ANKRD18A: variants seen among roughly 807,000 people sequenced by gnomAD.
ANKRD18A encodes the protein ankyrin repeat domain 18A.
Under a neutral mutation model 110.6 loss-of-function variants are expected in ANKRD18A, and 72 were observed. The observed-to-expected ratio is 0.65, with a 90% CI of 0.54 to 0.79. The LOEUF (loss-of-function observed/expected upper bound fraction) is 0.79, where lower values mean the gene tolerates loss of function less well. ANKRD18A is among the 30% of genes least tolerant of loss of function. ANKRD18A has a pLI of 0.00. For missense variants in ANKRD18A, 934 were observed against 1,163.3 expected, an observed-to-expected ratio of 0.80 and a Z score of 2.87; for synonymous variants, 305 against 410.3, an observed-to-expected ratio of 0.74 and a Z score of 3.10.
At chr9:38,566,599 T>C (rs943336318), downstream of ANKRD18A, 2 of 152,196 alleles carry the variant, frequency 1.3e-5, no homozygotes, top group African/African-American at 4.8e-5. Context: ...TTTTCAGGTA[T>C]CTTTATAGCA....
Position 38,595,673 on chromosome 9 carries a change from A to G in ANKRD18A, c.1667T>C (p.Leu556Pro), listed in dbSNP as rs1197879057. The G allele has an allele frequency of 1.3e-6, 2 of 1,551,142 alleles. No individual in the cohort carries two copies. The highest frequency in any genetic ancestry group is 2.7e-5 in the African/African-American group (2 of 73,016). The change falls in exon 9 of 16, where the codon CTT (leucine) becomes CCT (proline). Residue 556 changes from leucine (L) to proline (P), a missense_variant. Transcript: ENST00000399703. Reference sequence around the variant, plus strand: ...ACGAGCATCCTCTAGTTGTCGTTCAAGCAAGAGATTTTCAAGTTCTTGTTG... The same window carrying G: ...ACGAGCATCCTCTAGTTGTCGTTCAGGCAAGAGATTTTCAAGTTCTTGTTG... Reference protein sequence around the residue: ...IRQQELENLLLERQLEDARKE... With the variant: ...IRQQELENLLPERQLEDARKE...
chr9:38,615,103 C>T (rs1477041582), intron 3 of ANKRD18A, among the ~76,000 whole-genome samples: 6 of 152,200 alleles, frequency 3.9e-5, no homozygotes, highest in African/African-American at 1.4e-4. Context: ...GGCATTTTCC[C>T]TCATTACCTA....
At chr9:38,618,975 A>T (rs1825968105) in intron 1 of ANKRD18A, among the ~76,000 whole-genome samples, 1 of 149,960 alleles carries the variant, frequency 6.7e-6, no homozygotes, top group African/African-American at 2.4e-5. Context: ...TAGGATGAAG[A>T]TACACTTTTC....
chr9:38,587,827 G>A (rs1020871752), intron 11 of ANKRD18A, among the ~76,000 whole-genome samples: 3 of 152,166 alleles, frequency 2.0e-5, no homozygotes, highest in African/African-American at 4.8e-5. Flanking sequence ...GTTGCTAAGC[G>A]CAGTGGCTCA....
At chr9:38,596,560 T>C (rs573844793) in intron 8 of ANKRD18A, among the ~76,000 whole-genome samples, 157 bp from the exon 9 acceptor site, 62 of 152,266 alleles carry the variant, frequency 4.1e-4, no homozygotes, top group African/African-American at 1.4e-3. Flanking sequence ...CCTTGAACCT[T>C]AGAGAACATA....
intron 5 of ANKRD18A, among the ~76,000 whole-genome samples, chr9:38,609,895 A>G (rs148832210): frequency 0.01 from 1,586 of 151,292 alleles, 19 homozygotes; most frequent in Middle Eastern, 0.024. Flanking sequence ...AGGCAGGAGA[A>G]TCACTTGAGC....
chr9:38,572,640 G>A (rs1344922269), intron 15 of ANKRD18A: 2 of 153,532 alleles, frequency 1.3e-5, no homozygotes, highest in Non-Finnish European at 2.9e-5. Flanking sequence ...AGGGCAGAAT[G>A]CAGTAAGTGG....
Position 38,595,749 on chromosome 9 carries a change from T to G in ANKRD18A, c.1591A>C (p.Lys531Gln). Residue 531 changes from lysine to glutamine, a missense_variant, in exon 9 of 16, where the codon AAA becomes CAA. This residue lies in a region of ANKRD18A where 630 missense variants were observed against 797.5 expected (regional missense o/e 0.79). Coordinates refer to ENST00000399703, the MANE Select transcript of ANKRD18A (RefSeq NM_147195.4). ...TGCTTTCCAATGGATTGACTTTCTT[T>G]AGCTTCTCCATTTGGATGCATCTGC... is the stretch of plus-strand genomic sequence containing the variant. Reference protein sequence around the residue: ...MKQMHPNGEAKESQSIGKQNS... With the variant: ...MKQMHPNGEAQESQSIGKQNS... 6.4e-7 allele frequency: 1 copy of G among 1,551,508 alleles called. No individual in the cohort carries two copies. The highest frequency in any genetic ancestry group is 8.7e-7 in the Non-Finnish European group (1 of 1,146,730).
At chr9:38,573,660 A>G (rs1156650220) in intron 15 of ANKRD18A, among the ~76,000 whole-genome samples, 1 of 152,104 alleles carries the variant, frequency 6.6e-6, no homozygotes, top group Non-Finnish European at 1.5e-5. Context: ...GGTTGCAGTG[A>G]GCCGAGATCG....
intron 8 of ANKRD18A, among the ~76,000 whole-genome samples, chr9:38,596,619 T>G (rs545393723): frequency 4.0e-5 from 6 of 151,726 alleles, no homozygotes; most frequent in African/African-American, 7.3e-5. Flanking sequence ...ATCCATAAAA[T>G]ACACACACAC....
intron 12 of ANKRD18A, among the ~76,000 whole-genome samples, chr9:38,578,359 A>G: frequency 6.6e-6 from 1 of 152,218 alleles, no homozygotes; most frequent in East Asian, 1.9e-4. Context: ...TACTGTCATC[A>G]TCTTTGCCAC....
chr9:38,571,788 T>G lies in ANKRD18A; in HGVS notation c.*257A>C. The G allele has an allele frequency of 2.7e-6, 3 of 1,121,972 alleles. No homozygotes were observed. Among genetic ancestry groups the G allele is most frequent in the Non-Finnish European group, 3.3e-6 (3 of 914,710 alleles). 69.5% of individuals were successfully genotyped at this position (1,121,972 alleles called of 1,614,324 possible). ...TCATTTGCAAGATCCACTTAAAACT[T>G]AAGGAGGCTAAAAAACATCATTTAA... On this transcript the variant is annotated 3_prime_UTR_variant, in exon 16 of 16. Coordinates refer to ENST00000399703, the MANE Select transcript of ANKRD18A (RefSeq NM_147195.4).
intron 1 of ANKRD18A, among the ~76,000 whole-genome samples, chr9:38,616,910 T>C (rs1208765522): frequency 6.6e-6 from 1 of 152,198 alleles, no homozygotes; most frequent in Admixed American, 6.5e-5. Flanking sequence ...TTTTATATGG[T>C]AGCATTTATA....
Position 38,610,281 on chromosome 9 carries a change from A to G in ANKRD18A, c.732T>C (p.Asp244=). 2 of 1,540,458 alleles carry G rather than the reference A, an allele frequency of 1.3e-6. No homozygotes were observed. Among genetic ancestry groups the G allele is most frequent in the Non-Finnish European group, 1.7e-6 (2 of 1,143,742 alleles). Residue 244 remains aspartate, a synonymous_variant, in exon 5 of 16, where the codon GAT becomes GAC. Transcript: ENST00000399703. ...QTAEDYALCS[D]LRSIRQQILE... is the part of the protein sequence containing the mutation. ...TTAATATAAGCACATACCTTCTCAA[A>G]TCAGAACAAAGAGCATAATCCTCGG...
chr9:38,590,774 C>T (rs1158903024), intron 10 of ANKRD18A, among the ~76,000 whole-genome samples: 1 of 152,014 alleles, frequency 6.6e-6, no homozygotes, highest in Admixed American at 6.6e-5. Context: ...ATGGTGTCCA[C>T]CAAATGTCTT....
chr9:38,569,129 G>T (rs944501889), downstream of ANKRD18A: 1 of 985,402 alleles, frequency 1.0e-6, no homozygotes, highest in Non-Finnish European at 1.2e-6. Context: ...CAAGTAGGGC[G>T]GTTGTCTCTG....
chr9:38,617,145 T>A (rs1047372047), intron 1 of ANKRD18A, among the ~76,000 whole-genome samples: 4 of 152,180 alleles, frequency 2.6e-5, no homozygotes, highest in African/African-American at 9.6e-5. Flanking sequence ...CTTTGATTTT[T>A]AAAAATGGGA....
At chr9:38,597,832 G>A in intron 8 of ANKRD18A, among the ~76,000 whole-genome samples, 1 of 152,088 alleles carries the variant, frequency 6.6e-6, no homozygotes, top group Non-Finnish European at 1.5e-5. Flanking sequence ...TGGCTGAGGA[G>A]TTACGCTACT....
chr9:38,587,765 A>G (rs1423453122), intron 11 of ANKRD18A, among the ~76,000 whole-genome samples: 1 of 152,238 alleles, frequency 6.6e-6, no homozygotes, highest in Non-Finnish European at 1.5e-5. Flanking sequence ...TGCACTTGAC[A>G]TTACATGTCC....
Sources: gnomAD v4.1 joint callset for allele counts (sites outside exome capture counted in the v4.1 genomes callset) on GRCh38, gnomAD v4.1.1 for gene constraint, gnomAD v4.1.1 regional missense constraint, MANE v1.5 for transcripts, NCBI Gene and HGNC (gene_info 2026-07-23, HGNC 2026-07-21) for gene names.